BMP2K: variants seen among roughly 807,000 people sequenced by gnomAD.
The protein encoded by BMP2K is BMP-2-inducible protein kinase.
Under a neutral mutation model 116.0 loss-of-function variants are expected in BMP2K, and 74 were observed. The ratio of observed to expected loss-of-function variants is 0.64; its 90% CI spans 0.53 to 0.77. BMP2K has a LOEUF of 0.77. BMP2K is among the 30% of genes least tolerant of loss of function. The pLI is 0.00. For missense variants in BMP2K, 1,365 were observed against 1,403.6 expected (o/e 0.97, Z 0.44); for synonymous variants, 486 against 502.5 (o/e 0.97, Z 0.44).
intron 14 of BMP2K, chr4:78,879,514 A>C (rs751847965): frequency 1.2e-6 from 1 of 802,656 alleles, no homozygotes; most frequent in African/African-American, 1.9e-5. Flanking sequence ...CGCCACACAT[A>C]TTTTAGAAAT....
chr4:78,822,020 T>C (rs1167112203), intron 1 of BMP2K, among the ~76,000 whole-genome samples: 5 of 152,188 alleles, frequency 3.3e-5, no homozygotes, highest in East Asian at 1.9e-4. Context: ...ATGCCATATG[T>C]TCATATATAG....
At chr4:78,881,419 T>G (rs1307822575) in intron 14 of BMP2K, among the ~76,000 whole-genome samples, 6 of 152,182 alleles carry the variant, frequency 3.9e-5, no homozygotes, top group Non-Finnish European at 7.4e-5. Context: ...TTTCCTTTAA[T>G]AATTGATACT....
intron 1 of BMP2K, among the ~76,000 whole-genome samples, chr4:78,811,963 T>C (rs1578487706): frequency 6.6e-6 from 1 of 152,296 alleles, no homozygotes; most frequent in Non-Finnish European, 1.5e-5. Flanking sequence ...GAAGTTATTT[T>C]TTAAAAAGTT....
chr4:78,894,110 G>T (rs1443005305), intron 15 of BMP2K, among the ~76,000 whole-genome samples: 1 of 152,194 alleles, frequency 6.6e-6, no homozygotes, highest in Admixed American at 6.5e-5. Flanking sequence ...TCCAGGCTTT[G>T]TTATTTCATT....
At chr4:78,825,498 C>T (rs1729825881) in intron 1 of BMP2K, among the ~76,000 whole-genome samples, 1 of 152,204 alleles carries the variant, frequency 6.6e-6, no homozygotes, top group African/African-American at 2.4e-5. Flanking sequence ...CTCGGGCTGA[C>T]TTTACATGTT....
intron 1 of BMP2K, among the ~76,000 whole-genome samples, chr4:78,820,204 C>T (rs1729547553): frequency 6.6e-6 from 1 of 152,150 alleles, no homozygotes; most frequent in Non-Finnish European, 1.5e-5. Flanking sequence ...TATAATATCC[C>T]CATTTAATAA....
At chr4:78,885,536 T>C (rs1577957679) in intron 14 of BMP2K, among the ~76,000 whole-genome samples, 2 of 152,312 alleles carry the variant, frequency 1.3e-5, no homozygotes, top group East Asian at 1.9e-4. Context: ...GGCTTTTTGC[T>C]TCACTCCAAA....
intron 14 of BMP2K, 79 bp downstream of exon 14, chr4:78,878,970 T>C: frequency 6.5e-7 from 1 of 1,541,676 alleles, no homozygotes; most frequent in Non-Finnish European, 8.7e-7. Flanking sequence ...CAAAGACTTT[T>C]GAGAATGTGT....
chr4:78,858,554 C>T (rs1054175483), intron 7 of BMP2K, among the ~76,000 whole-genome samples: 1 of 151,770 alleles, frequency 6.6e-6, no homozygotes, highest in African/African-American at 2.4e-5. Context: ...GTGTTTTTAG[C>T]CAAAATAAGT....
At chr4:78,875,329 TAGAC>T (rs1164647255) in intron 13 of BMP2K, among the ~76,000 whole-genome samples, 3 of 152,240 alleles carry the variant, frequency 2.0e-5, no homozygotes, top group South Asian at 2.1e-4. Flanking sequence ...AGTAGTTCCT[TAGAC>T]AGAGGGAAAG....
At chr4:78,788,343 T>A (rs1727834358) in intron 1 of BMP2K, among the ~76,000 whole-genome samples, 1 of 152,062 alleles carries the variant, frequency 6.6e-6, no homozygotes, top group Non-Finnish European at 1.5e-5. Flanking sequence ...TGTAAGATAG[T>A]TAACTGTTAC....
intron 7 of BMP2K, among the ~76,000 whole-genome samples, chr4:78,853,118 A>G (rs188300838): frequency 6.6e-6 from 1 of 152,284 alleles, no homozygotes; most frequent in Admixed American, 6.5e-5. Flanking sequence ...TTGTTTCCAT[A>G]TATTAACATA....
chr4:78,777,061 G>A (rs1727285937), intron 1 of BMP2K, among the ~76,000 whole-genome samples: 1 of 152,190 alleles, frequency 6.6e-6, no homozygotes, highest in Admixed American at 6.5e-5. Context: ...CAGGGTTGAA[G>A]CTCCGTTCTG....
intron 13 of BMP2K, among the ~76,000 whole-genome samples, chr4:78,873,658 C>CTG (rs377226626): frequency 0.076 from 10,607 of 139,284 alleles, 475 homozygotes; most frequent in East Asian, 0.15. Flanking sequence ...CTCCCAACCT[C>CTG]TGTGTGTGTG....
chr4:78,836,408 C>A (rs1253165041), intron 3 of BMP2K, among the ~76,000 whole-genome samples: 1 of 151,062 alleles, frequency 6.6e-6, no homozygotes, highest in African/African-American at 2.4e-5. Context: ...CAGAGCGAGA[C>A]TCTGTCTCAA....
intron 7 of BMP2K, among the ~76,000 whole-genome samples, chr4:78,854,985 T>A (rs1487166860): frequency 6.6e-6 from 1 of 152,082 alleles, no homozygotes; most frequent in East Asian, 1.9e-4. Flanking sequence ...TACGGTTTCC[T>A]TGGAGCTTTT....
intron 10 of BMP2K, among the ~76,000 whole-genome samples, chr4:78,869,275 G>A (rs1732213975): frequency 2.0e-5 from 3 of 151,978 alleles, no homozygotes; most frequent in Admixed American, 1.3e-4. Flanking sequence ...CTCTACGTTG[G>A]CCCCTTTGTG....
At chr4:78,890,621 A>C (rs1733383467) in intron 15 of BMP2K, among the ~76,000 whole-genome samples, 1 of 152,032 alleles carries the variant, frequency 6.6e-6, no homozygotes, top group Non-Finnish European at 1.5e-5. Context: ...TTGTTTGCTT[A>C]GTTTTTTATG....
chr4:78,861,003 G>A (rs1290224100), intron 8 of BMP2K, among the ~76,000 whole-genome samples: 1 of 151,768 alleles, frequency 6.6e-6, no homozygotes, highest in Non-Finnish European at 1.5e-5. Context: ...AAAATTATCT[G>A]TAGTATGTAG....
Sources: gnomAD v4.1 joint callset for allele counts (sites outside exome capture counted in the v4.1 genomes callset) on GRCh38, gnomAD v4.1.1 for gene constraint, MANE v1.5 for transcripts, NCBI Gene and HGNC (gene_info 2026-07-23, HGNC 2026-07-21) for gene names.